The following CCDC73 variants were observed in gnomAD, a reference collection of about 807,000 sequenced individuals.
CCDC73 encodes coiled-coil domain-containing protein 73.
Under a neutral mutation model 116.5 loss-of-function variants are expected in CCDC73, and 95 were observed. That is an observed-to-expected ratio of 0.82 (90% confidence interval 0.69 to 0.97). The LOEUF (loss-of-function observed/expected upper bound fraction) is 0.97. CCDC73 is among the 50% of genes least tolerant of loss of function. The pLI, the probability that CCDC73 is intolerant of heterozygous loss-of-function variation, is 0.00. For missense variants in CCDC73, 1,066 were observed against 1,206.8 expected (o/e 0.88, Z 1.73); for synonymous variants, 398 against 401.3 (o/e 0.99, Z 0.10).
At chr11:32,760,879 G>A (rs1270220382) in intron 1 of CCDC73, among the ~76,000 whole-genome samples, 3 of 152,158 alleles carry the variant, frequency 2.0e-5, no homozygotes, top group Non-Finnish European at 2.9e-5. Flanking sequence ...TTAACATCTT[G>A]TATAACAAGA....
In CCDC73 at chr11:32,702,913, G is replaced by C. The variant is rs1365687054; in HGVS notation, c.239C>G (p.Ala80Gly). The C allele has an allele frequency of 6.2e-7, 1 of 1,613,070 alleles. No homozygotes were observed. Among genetic ancestry groups the C allele is most frequent in the African/African-American group, 1.3e-5 (1 of 75,008 alleles). Residue 80 changes from alanine to glycine, a missense_variant, in exon 4 of 18, where the codon GCA becomes GGA. Ala to Gly is a moderately conservative substitution (Grantham distance 60, BLOSUM62 0). Transcript: ENST00000335185. ...ETLQNQKETL[A>G]EQHKEAMAVF... The stretch of plus-strand genomic sequence containing the variant: ...TGCCATTGCTTCCTTGTGTTGCTCT[G>C]CCAATGTTTCCTTTTGATTCTGAAG...
At chr11:32,683,468 T>C in intron 7 of CCDC73, 68 bp downstream of exon 7, 1 of 997,498 alleles carries the variant, frequency 1.0e-6, no homozygotes, top group Non-Finnish European at 1.6e-6. Context: ...CACATTTTAT[T>C]CCCAAAAACA....
At chr11:32,711,568 A>G (rs1013340731) in intron 3 of CCDC73, among the ~76,000 whole-genome samples, 1 of 152,174 alleles carries the variant, frequency 6.6e-6, no homozygotes, top group Non-Finnish European at 1.5e-5. Flanking sequence ...CTATGAGCAC[A>G]CAAAGGCCTA....
intron 6 of CCDC73, among the ~76,000 whole-genome samples, chr11:32,692,340 T>C (rs1856268627): frequency 6.6e-6 from 1 of 152,132 alleles, no homozygotes; most frequent in African/African-American, 2.4e-5. Context: ...ATTACCCAAA[T>C]ATCTAAGAAT....
the CCDC73 span, among the ~76,000 whole-genome samples, chr11:32,812,857 A>C: frequency 2.0e-5 from 3 of 152,172 alleles, no homozygotes; most frequent in Non-Finnish European, 4.4e-5. Context: ...AAAGAAAAAA[A>C]ATACCAAACT....
Position 32,602,927 on chromosome 11 carries a change from T to C in CCDC73, c.3124A>G (p.Ser1042Gly). The C allele has an allele frequency of 6.2e-7, 1 of 1,613,428 alleles. No homozygotes were observed. The stretch of plus-strand genomic sequence containing the variant: ...TTATTTAGTTGATTCGTAATGAGGC[T>C]CTGCCAGTCATCATCACCAGAAGTA... ...KNTSGDDDWQ[S>G]LITNQLNKSE... The change falls in exon 18 of 18, where the codon AGC (serine) becomes GGC (glycine). Residue 1042 changes from serine to glycine, a missense_variant. Ser to Gly is a moderately conservative substitution (Grantham distance 56). Coordinates refer to ENST00000335185, the MANE Select transcript of CCDC73 (RefSeq NM_001008391.4).
chr11:32,763,985 A>T (rs1002891616), intron 1 of CCDC73, among the ~76,000 whole-genome samples: 1 of 152,252 alleles, frequency 6.6e-6, no homozygotes. Flanking sequence ...TCAGCAACGG[A>T]TTTGAGCAAC....
chr11:32,759,318 C>T (rs958324358), intron 2 of CCDC73, among the ~76,000 whole-genome samples: 3 of 145,024 alleles, frequency 2.1e-5, no homozygotes. Flanking sequence ...CTGAAACCAA[C>T]ATTTTTTCCT....
chr11:32,675,505 G>A (rs928977485), intron 9 of CCDC73, 60 bp downstream of exon 9: 16 of 1,058,612 alleles, frequency 1.5e-5, no homozygotes, highest in Admixed American at 7.6e-5. Context: ...TAGTAATAGC[G>A]CATAAGACTA....
At chr11:32,686,984 A>G (rs1450381583) in intron 6 of CCDC73, among the ~76,000 whole-genome samples, 2 of 152,200 alleles carry the variant, frequency 1.3e-5, no homozygotes, top group Non-Finnish European at 2.9e-5. Context: ...ATGTTTTCCT[A>G]TTATAGTTAT....
chr11:32,749,699 T>C (rs1275771167), intron 2 of CCDC73, among the ~76,000 whole-genome samples: 2 of 151,996 alleles, frequency 1.3e-5, no homozygotes, highest in Non-Finnish European at 2.9e-5. Flanking sequence ...ACCTGAGTGT[T>C]GTGATCTAAG....
chr11:32,634,947 C>A (rs1298014504), intron 14 of CCDC73, among the ~76,000 whole-genome samples: 1 of 152,040 alleles, frequency 6.6e-6, no homozygotes, highest in African/African-American at 2.4e-5. Context: ...CATAGTAAGA[C>A]CTTGTCTTGA....
the CCDC73 span, chr11:32,830,163 G>C: frequency 9.8e-7 from 1 of 1,025,014 alleles, no homozygotes; most frequent in South Asian, 4.6e-5. Flanking sequence ...AACATGTGCG[G>C]GGGGACACAG....
chr11:32,650,258 A>G (rs1481423466), intron 12 of CCDC73, among the ~76,000 whole-genome samples: 3 of 152,248 alleles, frequency 2.0e-5, no homozygotes, highest in African/African-American at 4.8e-5. Flanking sequence ...AGTATGTTAT[A>G]GAAATAGTGC....
At chr11:32,672,105 C>T (rs1328121134) in intron 9 of CCDC73, among the ~76,000 whole-genome samples, 2 of 152,126 alleles carry the variant, frequency 1.3e-5, no homozygotes, top group South Asian at 2.1e-4. Context: ...AATCCCAGAA[C>T]TTTGGGCGGG....
At chr11:32,827,180 T>G in the CCDC73 span, among the ~76,000 whole-genome samples, 1 of 152,094 alleles carries the variant, frequency 6.6e-6, no homozygotes, top group African/African-American at 2.4e-5. Context: ...ATTATAACTT[T>G]AAATAGCAGA....
intron 9 of CCDC73, among the ~76,000 whole-genome samples, chr11:32,658,193 A>G (rs1487929138): frequency 6.6e-6 from 1 of 152,046 alleles, no homozygotes. Flanking sequence ...GGGGTGCTTC[A>G]CCATCCCTTG....
At chr11:32,646,925 T>C (rs941267921) in intron 12 of CCDC73, among the ~76,000 whole-genome samples, 3 of 152,222 alleles carry the variant, frequency 2.0e-5, no homozygotes, top group Admixed American at 6.5e-5. Context: ...TGTCTGCTAA[T>C]ATATTTATCT....
intron 1 of CCDC73, among the ~76,000 whole-genome samples, chr11:32,764,522 A>T (rs1287554721): frequency 6.6e-6 from 1 of 152,202 alleles, no homozygotes; most frequent in Non-Finnish European, 1.5e-5. Context: ...TATGCTTCAT[A>T]AATGAAGGAG....
Sources: gnomAD v4.1 joint callset for allele counts (sites outside exome capture counted in the v4.1 genomes callset) on GRCh38, gnomAD v4.1.1 for gene constraint, MANE v1.5 for transcripts, NCBI Gene and HGNC (gene_info 2026-07-23, HGNC 2026-07-21) for gene names.